Variants in MTMR3 observed in about 807,000 individuals in gnomAD.
The protein encoded by MTMR3 is myotubularin related protein 3.
Under a neutral mutation model 132.4 loss-of-function variants are expected in MTMR3, and 32 were observed. That is an observed-to-expected ratio of 0.24 (90% confidence interval 0.18 to 0.32). The LOEUF (loss-of-function observed/expected upper bound fraction) is 0.32, where lower values mean the gene tolerates loss of function less well. Ranked by LOEUF, MTMR3 falls within the 10% of genes least tolerant of loss-of-function variation. MTMR3 has a pLI of 1.00. For missense variants in MTMR3, 1,216 were observed against 1,489.6 expected, an observed-to-expected ratio of 0.82 and a Z score of 3.02; for synonymous variants, 556 against 550.3, an observed-to-expected ratio of 1.01 and a Z score of -0.14.
intron 1 of MTMR3, among the ~76,000 whole-genome samples, chr22:29,933,476 T>C (rs1364731367): frequency 6.6e-6 from 1 of 152,146 alleles, no homozygotes; most frequent in East Asian, 1.9e-4. Flanking sequence ...GAATTTTTAG[T>C]ATATTTTTAA....
chr22:29,933,313 A>G (rs982102596), intron 1 of MTMR3, among the ~76,000 whole-genome samples: 28 of 152,094 alleles, frequency 1.8e-4, no homozygotes, highest in African/African-American at 5.3e-4. Flanking sequence ...CCAGGCAAAA[A>G]AAACTGTGAA....
At chr22:29,945,260 C>T (rs1040427377) in intron 1 of MTMR3, among the ~76,000 whole-genome samples, 5 of 152,164 alleles carry the variant, frequency 3.3e-5, no homozygotes, top group Admixed American at 2.0e-4. Context: ...CTGCCTCGCC[C>T]TCTTAAAGTG....
intron 1 of MTMR3, among the ~76,000 whole-genome samples, chr22:29,889,578 C>T (rs2064751634): frequency 6.6e-6 from 1 of 151,822 alleles, no homozygotes; most frequent in Non-Finnish European, 1.5e-5. Flanking sequence ...TGAGCCACTG[C>T]ACCTGGCCCA....
intron 1 of MTMR3, among the ~76,000 whole-genome samples, chr22:29,909,983 G>T (rs975630143): frequency 2.0e-5 from 3 of 151,824 alleles, no homozygotes; most frequent in African/African-American, 7.3e-5. Flanking sequence ...GTGAAACCCC[G>T]TCTCTACTAA....
chr22:30,003,079 G>T lies in MTMR3; in HGVS notation c.671+86G>T. On this transcript the variant is annotated intron_variant, in intron 9 of 19. Coordinates refer to ENST00000401950, the MANE Select transcript of MTMR3 (RefSeq NM_021090.4). Reference sequence around the variant, plus strand: ...GCTGCCTCTGCTGCTGCTAACCTGGGAAGGGTGGGGAGAGTTCAGAGAACT... The same window carrying T: ...GCTGCCTCTGCTGCTGCTAACCTGGTAAGGGTGGGGAGAGTTCAGAGAACT... The T allele has an allele frequency of 1.1e-5, 12 of 1,064,438 alleles. 1 individual carries two copies. In the South Asian group the frequency reaches 1.6e-4, roughly 14 times the overall value. The allele number at this position is 1,064,438 out of a possible 1,614,324, so 65.9% of individuals were successfully genotyped here. A position where few individuals can be genotyped will look rare whatever the true frequency, so the allele number is the denominator to read the frequency against.
At chr22:29,918,352 C>A (rs1034493696) in intron 1 of MTMR3, among the ~76,000 whole-genome samples, 1 of 152,226 alleles carries the variant, frequency 6.6e-6, no homozygotes, top group African/African-American at 2.4e-5. Flanking sequence ...AAGTGGCCAT[C>A]TGATTTAAAA....
intron 1 of MTMR3, among the ~76,000 whole-genome samples, chr22:29,908,682 T>C (rs79819741): frequency 6.6e-6 from 1 of 152,340 alleles, no homozygotes; most frequent in African/African-American, 2.4e-5. Flanking sequence ...ATTTACATAA[T>C]CTGAAAATAT....
At chr22:29,885,593 G>A (rs1173787657) in intron 1 of MTMR3, among the ~76,000 whole-genome samples, 1 of 152,122 alleles carries the variant, frequency 6.6e-6, no homozygotes, top group Non-Finnish European at 1.5e-5. Context: ...GGCTCATAAA[G>A]GGGTCCACTG....
intron 8 of MTMR3, 115 bp downstream of exon 8, chr22:29,998,972 A>G: frequency 1.6e-6 from 1 of 621,302 alleles, no homozygotes; most frequent in Non-Finnish European, 2.7e-6. Context: ...GGTTTTATTT[A>G]TTAAATCTAA....
chr22:30,025,382 ATT>A lies in MTMR3; in HGVS notation c.3426-247_3426-246del. ...GCATTCTTTTGTATACCTGAGCAGCATTCTTTTGAGTCAGTGGTGAGGCAGCC... is the reference window on the plus strand; with the variant it reads ...GCATTCTTTTGTATACCTGAGCAGCACTTTTGAGTCAGTGGTGAGGCAGCC... On this transcript the variant is annotated intron_variant, in intron 19 of 19. Coordinates refer to ENST00000401950, the MANE Select transcript of MTMR3 (RefSeq NM_021090.4). 7 of 541,524 alleles carry A rather than the reference ATT, an allele frequency of 1.3e-5. No homozygotes were observed. The South Asian group carries it at 1.5e-4, about 11-fold the overall frequency. The allele number at this position is 541,524 out of a possible 1,614,324, so 33.5% of individuals were successfully genotyped here.
At position 30,020,511 on chromosome 22, in the gene MTMR3, A is replaced by G. The variant is rs1202308326; in HGVS notation, c.2852A>G (p.Tyr951Cys). 3 of 1,613,908 alleles carry G rather than the reference A, an allele frequency of 1.9e-6. No individual in the cohort carries two copies. The highest frequency in any genetic ancestry group is 3.3e-5 in the Admixed American group (2 of 59,986). The change falls in exon 17 of 20, where the codon TAC becomes TGC. Residue 951 changes from tyrosine (Y) to cysteine (C), a missense_variant. This residue lies in a region of MTMR3 where 852 missense variants were observed against 852.0 expected (regional missense o/e 1.00). Coordinates refer to ENST00000401950, the MANE Select transcript of MTMR3 (RefSeq NM_021090.4). ...QPPGLSTLQM[Y>C]PTPNGHCANG... ...CCAGGTCTTAGCACCCTCCAGATGT[A>G]CCCCACACCCAATGGGCATTGCGCC...
At chr22:29,922,184 G>T (rs2065430316) in intron 1 of MTMR3, among the ~76,000 whole-genome samples, 1 of 151,920 alleles carries the variant, frequency 6.6e-6, no homozygotes, top group African/African-American at 2.4e-5. Context: ...CCGCCACCTT[G>T]CCCAGCTAAT....
chr22:29,890,607 T>G (rs2064778058), intron 1 of MTMR3, among the ~76,000 whole-genome samples: 1 of 152,218 alleles, frequency 6.6e-6, no homozygotes, highest in Non-Finnish European at 1.5e-5. Flanking sequence ...ATAGGATGTC[T>G]ATTTCAAATT....
chr22:29,896,835 T>C (rs1179690042), intron 1 of MTMR3, among the ~76,000 whole-genome samples: 1 of 145,662 alleles, frequency 6.9e-6, no homozygotes, highest in Non-Finnish European at 1.5e-5. Flanking sequence ...TTTTTTTAGT[T>C]AAAAATTTTA....
chr22:29,986,500 T>A (rs1325847651), intron 5 of MTMR3: 4 of 770,850 alleles, frequency 5.2e-6, no homozygotes, highest in Non-Finnish European at 6.2e-6. Context: ...GTAGGTTTGT[T>A]TGTTTTTTTT....
chr22:29,901,345 G>A (rs1251839911), intron 1 of MTMR3, among the ~76,000 whole-genome samples: 3 of 152,108 alleles, frequency 2.0e-5, no homozygotes, highest in Non-Finnish European at 1.5e-5. Flanking sequence ...ATGGAAGGGA[G>A]TTTTCAAACT....
chr22:30,019,855 T>A lies in MTMR3; in HGVS notation c.2196T>A (p.Pro732=), dbSNP rs1273109862. The change falls in exon 17 of 20, where the codon CCT becomes CCA. Residue 732 remains proline, a synonymous_variant. Coordinates refer to ENST00000401950, the MANE Select transcript of MTMR3 (RefSeq NM_021090.4). ...AAAAGGAGAGCAGGAGGAAGACACC[T>A]GAGGCCTCAGCCATTGGACTTCACC... ...LLEKESRRKT[P]EASAIGLHQD... 1 of 1,614,072 alleles carries A rather than the reference T, an allele frequency of 6.2e-7. No individual in the cohort carries two copies. The highest frequency in any genetic ancestry group is 8.5e-7 in the Non-Finnish European group (1 of 1,180,036).
intron 1 of MTMR3, among the ~76,000 whole-genome samples, chr22:29,913,576 A>G (rs2065253759): frequency 6.6e-6 from 1 of 152,154 alleles, no homozygotes; most frequent in African/African-American, 2.4e-5. Flanking sequence ...AGGATATACT[A>G]TTTTGTGCCT....
At position 29,901,726 on chromosome 22, in the gene MTMR3, G is replaced by C. The variant is rs1350029369; in HGVS notation, c.-138+18367G>C. On this transcript the variant is annotated intron_variant, in intron 1 of 19. Transcript: ENST00000401950. ...AGCCTTTTTGTTTTAATTTTTGTTTGTTTGATAGAAATGGGAGGTCTTGTT... is the reference window on the plus strand; with the variant it reads ...AGCCTTTTTGTTTTAATTTTTGTTTCTTTGATAGAAATGGGAGGTCTTGTT... Among the ~76,000 whole-genome samples, 10 of 152,148 alleles carry C rather than the reference G, an allele frequency of 6.6e-5. No homozygotes were observed. The East Asian group carries it at 1.9e-3, about 29-fold the overall frequency.
Sources: gnomAD v4.1 joint callset for allele counts (sites outside exome capture counted in the v4.1 genomes callset) on GRCh38, gnomAD v4.1.1 for gene constraint, gnomAD v4.1.1 regional missense constraint, MANE v1.5 for transcripts, NCBI Gene and HGNC (gene_info 2026-07-23, HGNC 2026-07-21) for gene names.